Variants in TNIK observed in about 807,000 individuals in gnomAD.
TNIK encodes the protein TRAF2 and NCK interacting kinase.
In TNIK, 49 loss-of-function variants were observed where a neutral mutation model predicts 191.3. The observed-to-expected ratio is 0.26, with a 90% CI of 0.20 to 0.32. The LOEUF (loss-of-function observed/expected upper bound fraction) is 0.32. Ranked by LOEUF, TNIK falls within the 10% of genes least tolerant of loss-of-function variation. The pLI, the probability that TNIK is intolerant of heterozygous loss-of-function variation, is 1.00. For missense variants in TNIK, 1,155 were observed against 1,702.3 expected, an observed-to-expected ratio of 0.68 and a Z score of 5.66; for synonymous variants, 594 against 600.9, an observed-to-expected ratio of 0.99 and a Z score of 0.17.
intron 2 of TNIK, among the ~76,000 whole-genome samples, chr3:171,328,429 C>T (rs1163157133): frequency 6.6e-6 from 1 of 152,182 alleles, no homozygotes; most frequent in Non-Finnish European, 1.5e-5. Flanking sequence ...TGAAAAGTCC[C>T]TTTCAAAGGA....
intron 1 of TNIK, among the ~76,000 whole-genome samples, chr3:171,386,825 C>T (rs781549659): frequency 6.6e-6 from 1 of 152,198 alleles, no homozygotes; most frequent in Non-Finnish European, 1.5e-5. Context: ...GTGTTCTCTG[C>T]TAAAGGTGGT....
intron 15 of TNIK, among the ~76,000 whole-genome samples, chr3:171,129,355 C>T (rs1728931340): frequency 6.6e-6 from 1 of 152,184 alleles, no homozygotes; most frequent in Non-Finnish European, 1.5e-5. Context: ...ATGCACCCTG[C>T]ATTTCTTCAC....
At chr3:171,183,716 A>C (rs1308969337) in intron 7 of TNIK, among the ~76,000 whole-genome samples, 1 of 152,024 alleles carries the variant, frequency 6.6e-6, no homozygotes, top group Non-Finnish European at 1.5e-5. Flanking sequence ...AGGTCAGGAG[A>C]TCAAGACCAG....
intron 2 of TNIK, among the ~76,000 whole-genome samples, chr3:171,357,599 T>C (rs1714300876): frequency 6.6e-6 from 1 of 151,188 alleles, no homozygotes; most frequent in Non-Finnish European, 1.5e-5. Context: ...CTACTCTGTA[T>C]TGGTACTAGA....
intron 12 of TNIK, among the ~76,000 whole-genome samples, chr3:171,140,910 A>G (rs1730731492): frequency 6.6e-6 from 1 of 152,238 alleles, no homozygotes; most frequent in Non-Finnish European, 1.5e-5. Flanking sequence ...ACCATGTAAC[A>G]CAAAAATTTC....
intron 12 of TNIK, among the ~76,000 whole-genome samples, chr3:171,141,499 A>G (rs1730831495): frequency 6.6e-6 from 1 of 152,206 alleles, no homozygotes; most frequent in Non-Finnish European, 1.5e-5. Flanking sequence ...AACTAGGCCA[A>G]GCAGTTACAG....
chr3:171,147,949 T>C (rs1052128951), intron 12 of TNIK, among the ~76,000 whole-genome samples: 1 of 152,188 alleles, frequency 6.6e-6, no homozygotes. Flanking sequence ...TTCCCCTCTT[T>C]CTATCTTTAC....
intron 2 of TNIK, among the ~76,000 whole-genome samples, chr3:171,282,827 C>T (rs1750617720): frequency 6.6e-6 from 1 of 152,138 alleles, no homozygotes; most frequent in Admixed American, 6.5e-5. Context: ...ATACAAAACT[C>T]TAAGAAAGAG....
intron 2 of TNIK, among the ~76,000 whole-genome samples, chr3:171,258,894 A>G (rs1436698639): frequency 6.6e-6 from 1 of 152,190 alleles, no homozygotes; most frequent in Non-Finnish European, 1.5e-5. Flanking sequence ...GACTGCTCAG[A>G]AGTTCAGTCT....
chr3:171,069,121 CTT>C, intron 29 of TNIK, 124 bp from the exon 30 acceptor site: 4 of 1,270,594 alleles, frequency 3.1e-6, no homozygotes, highest in Non-Finnish European at 4.3e-6. Context: ...GAAAATTTCT[CTT>C]TCAGTTTTAG....
intron 2 of TNIK, among the ~76,000 whole-genome samples, chr3:171,363,095 T>C (rs1187928631): frequency 6.6e-6 from 1 of 152,176 alleles, no homozygotes; most frequent in Non-Finnish European, 1.5e-5. Flanking sequence ...CATTTTCAGC[T>C]GTCACAACTT....
At chr3:171,376,242 T>C (rs1225796347) in intron 1 of TNIK, among the ~76,000 whole-genome samples, 2 of 152,202 alleles carry the variant, frequency 1.3e-5, no homozygotes, top group African/African-American at 2.4e-5. Flanking sequence ...TCTTCGAAAG[T>C]ACAGCATTAG....
intron 1 of TNIK, among the ~76,000 whole-genome samples, chr3:171,389,539 A>T (rs11708514): frequency 6.6e-6 from 1 of 152,010 alleles, no homozygotes; most frequent in African/African-American, 2.4e-5. Flanking sequence ...ACTTTAGAGC[A>T]CCTGGGAGGA....
intron 1 of TNIK, among the ~76,000 whole-genome samples, chr3:171,437,831 C>T (rs1335469983): frequency 6.6e-6 from 1 of 152,236 alleles, no homozygotes; most frequent in African/African-American, 2.4e-5. Context: ...TTAGATGGCT[C>T]CAGATGACTT....
chr3:171,446,281 T>C (rs1727484491), intron 1 of TNIK, among the ~76,000 whole-genome samples: 1 of 152,200 alleles, frequency 6.6e-6, no homozygotes, highest in Non-Finnish European at 1.5e-5. Context: ...ATGCTAAATA[T>C]TATTATTATT....
intron 2 of TNIK, among the ~76,000 whole-genome samples, chr3:171,294,058 C>G (rs1042973397): frequency 1.5e-5 from 2 of 137,926 alleles, no homozygotes; most frequent in Non-Finnish European, 3.2e-5. Context: ...AACCCTGTCT[C>G]TACTAAAAAT....
rs777862935 is a variant in TNIK at position 171,066,271 on chromosome 3, C to T, written c.3915G>A (p.Arg1305=). 7.9e-5 allele frequency: 128 copies of T among 1,613,846 alleles called. 2 individuals are homozygous for T. In the South Asian group the frequency reaches 1.1e-3, roughly 14 times the overall value. The change falls in exon 32 of 33, where the codon CGG becomes CGA. Residue 1305 remains arginine, a synonymous_variant. Transcript: ENST00000436636. The part of the protein sequence containing the change: ...MGWGEKAIEI[R]SVETGHLDGV... Reference sequence around the variant, plus strand: ...CATCCAAATGTCCTGTTTCCACTGACCGGATCTCAATAGCTTTCTCGCCCC... The same window carrying T: ...CATCCAAATGTCCTGTTTCCACTGATCGGATCTCAATAGCTTTCTCGCCCC...
At chr3:171,153,251 A>T (rs755621101) in intron 12 of TNIK, among the ~76,000 whole-genome samples, 3 of 152,038 alleles carry the variant, frequency 2.0e-5, no homozygotes, top group Non-Finnish European at 4.4e-5. Flanking sequence ...TTCCTTATCA[A>T]ATTTCTCTGC....
At chr3:171,239,338 T>C (rs1013672804) in intron 2 of TNIK, among the ~76,000 whole-genome samples, 2 of 152,224 alleles carry the variant, frequency 1.3e-5, no homozygotes, top group Non-Finnish European at 2.9e-5. Flanking sequence ...AATGCAGGGA[T>C]ATAGGAATCT....
Sources: gnomAD v4.1 joint callset for allele counts (sites outside exome capture counted in the v4.1 genomes callset) on GRCh38, gnomAD v4.1.1 for gene constraint, MANE v1.5 for transcripts, NCBI Gene and HGNC (gene_info 2026-07-23, HGNC 2026-07-21) for gene names.